The following SERPINE2 variants were observed in gnomAD, a reference collection of about 807,000 sequenced individuals.
SERPINE2 encodes glia-derived nexin.
In SERPINE2, 14 loss-of-function variants were observed where a neutral mutation model predicts 36.3. That is an observed-to-expected ratio of 0.39 (90% CI 0.25 to 0.60). The LOEUF is 0.60. Ranked by LOEUF, SERPINE2 falls within the 20% of genes least tolerant of loss-of-function variation. SERPINE2 has a pLI of 0.57. For missense variants in SERPINE2, 418 were observed against 499.6 expected, an observed-to-expected ratio of 0.84 and a Z score of 1.56; for synonymous variants, 192 against 191.8, an observed-to-expected ratio of 1.00 and a Z score of -0.01.
intron 3 of SERPINE2, among the ~76,000 whole-genome samples, chr2:223,993,528 A>ATGTGTGTGTGTGTGTG (rs1344521820): frequency 1.5e-3 from 108 of 72,522 alleles, no homozygotes; most frequent in African/African-American, 4.7e-3. Context: ...TAGCTCAAAT[A>ATGTGTGTGTGTGTGTG]TATGTGTGTG....
chr2:223,990,690 C>T (rs1261460790), intron 4 of SERPINE2, among the ~76,000 whole-genome samples: 3 of 152,148 alleles, frequency 2.0e-5, no homozygotes. Flanking sequence ...TTTAGAAGTT[C>T]ATTTGAGCCT....
intron 1 of SERPINE2, among the ~76,000 whole-genome samples, chr2:224,025,806 T>C (rs1225311489): frequency 3.3e-5 from 5 of 152,206 alleles, no homozygotes; most frequent in Non-Finnish European, 7.3e-5. Context: ...ACCAAGAAAG[T>C]TGCCCTCAGA....
chr2:224,010,073 C>T lies in SERPINE2; in HGVS notation c.-22-8151G>A, dbSNP rs888571498. 3.3e-5 allele frequency among the ~76,000 whole-genome samples: 5 copies of T among 152,106 alleles called. No individual in the cohort carries two copies. The South Asian group carries it at 6.2e-4, about 19-fold the overall frequency. ...ATACCAAATCAGGTGAACAAGCAAA[C>T]TAAAGTACATCTTGGTTATCCTTGG... On this transcript the variant is annotated intron_variant, in intron 1 of 8. Coordinates refer to ENST00000409304, the MANE Select transcript of SERPINE2 (RefSeq NM_001136528.2).
At chr2:224,028,023 G>C (rs1005899886) in intron 1 of SERPINE2, among the ~76,000 whole-genome samples, 1 of 152,190 alleles carries the variant, frequency 6.6e-6, no homozygotes, top group African/African-American at 2.4e-5. Context: ...TAGAGAAAAA[G>C]AGCATGAATC....
intron 7 of SERPINE2, 32 bp from the exon 8 acceptor site, chr2:223,977,659 C>T: frequency 1.4e-6 from 2 of 1,462,916 alleles, no homozygotes; most frequent in East Asian, 2.3e-5. Context: ...GTGTTGTGCA[C>T]ATTACATGAG....
chr2:224,002,968 G>T (rs1279467711), intron 1 of SERPINE2, among the ~76,000 whole-genome samples: 1 of 152,120 alleles, frequency 6.6e-6, no homozygotes, highest in African/African-American at 2.4e-5. Flanking sequence ...AAGCCAGCAA[G>T]CAATAAAGCA....
intron 1 of SERPINE2, among the ~76,000 whole-genome samples, chr2:224,013,472 G>A (rs1035998723): frequency 1.3e-5 from 2 of 152,176 alleles, no homozygotes; most frequent in African/African-American, 2.4e-5. Flanking sequence ...CCCTTTTCAC[G>A]AGGAAGAGGA....
intron 1 of SERPINE2, among the ~76,000 whole-genome samples, chr2:224,019,172 C>T (rs1691903256): frequency 6.6e-6 from 1 of 152,086 alleles, no homozygotes; most frequent in African/African-American, 2.4e-5. Context: ...TGTTTTTTTC[C>T]TGTTCATAAG....
intron 5 of SERPINE2, among the ~76,000 whole-genome samples, 170 bp from the exon 6 acceptor site, chr2:223,982,951 ACTC>A (rs1245542854): frequency 6.6e-6 from 1 of 152,224 alleles, no homozygotes; most frequent in Non-Finnish European, 1.5e-5. Context: ...GTAAAGGACA[ACTC>A]CTCTCTCAAA....
rs368067162 is a variant in SERPINE2, at chr2:224,020,535, TAA to T, written c.-23+18562_-23+18563del. The stretch of plus-strand genomic sequence containing the variant: ...TCCGTTTGCCCCTCTTCAACTAATA[TAA>T]TATGCTGCTGAGCTTGGAACACCTC... On this transcript the variant is annotated intron_variant, in intron 1 of 8. Coordinates refer to ENST00000409304, the MANE Select transcript of SERPINE2 (RefSeq NM_001136528.2). Among the ~76,000 whole-genome samples, 13 of 152,318 alleles carry T rather than the reference TAA, an allele frequency of 8.5e-5. No homozygotes were observed. In the South Asian group the frequency reaches 2.7e-3, roughly 32 times the overall value.
In SERPINE2 at chr2:224,005,456, C is replaced by T. The variant is rs146667429; in HGVS notation, c.-22-3534G>A. On this transcript the variant is annotated intron_variant, in intron 1 of 8. Transcript: ENST00000409304. ...TGGTTTCCTAGGCCAAATGCTCACT[C>T]GTCTAAACTCACCTGGCTTATATAC... 1.1e-3 allele frequency among the ~76,000 whole-genome samples: 165 copies of T among 152,208 alleles called. 1 individual carries two copies. Among genetic ancestry groups the T allele is most frequent in the African/African-American group, 3.7e-3 (153 of 41,524 alleles).
At chr2:224,023,891 T>C (rs1244468359) in intron 1 of SERPINE2, among the ~76,000 whole-genome samples, 3 of 152,132 alleles carry the variant, frequency 2.0e-5, no homozygotes, top group Non-Finnish European at 2.9e-5. Context: ...CCCAGGCCTG[T>C]TGTAAGAAAC....
intron 1 of SERPINE2, among the ~76,000 whole-genome samples, chr2:224,027,997 T>C (rs1408272189): frequency 6.6e-6 from 1 of 152,128 alleles, no homozygotes; most frequent in Non-Finnish European, 1.5e-5. Flanking sequence ...CAGGAGTGAA[T>C]ACAGAGACGA....
chr2:223,999,447 C>A (rs1386478099), intron 2 of SERPINE2, among the ~76,000 whole-genome samples: 1 of 152,182 alleles, frequency 6.6e-6, no homozygotes, highest in Non-Finnish European at 1.5e-5. Context: ...ATTTGTCACT[C>A]TGAATGTGCG....
intron 3 of SERPINE2, among the ~76,000 whole-genome samples, chr2:223,995,329 G>A (rs916232491): frequency 4.1e-4 from 62 of 152,208 alleles, no homozygotes; most frequent in African/African-American, 1.4e-3. Context: ...TCACTTCTGA[G>A]CTCTACCATG....
chr2:224,029,885 A>G (rs779654962), intron 1 of SERPINE2, among the ~76,000 whole-genome samples: 1 of 152,066 alleles, frequency 6.6e-6, no homozygotes, highest in African/African-American at 2.4e-5. Context: ...TTTTTAGTAG[A>G]GACAGGGTTT....
intron 1 of SERPINE2, among the ~76,000 whole-genome samples, chr2:224,003,813 T>C (rs996735779): frequency 2.0e-5 from 3 of 152,126 alleles, no homozygotes; most frequent in African/African-American, 7.2e-5. Flanking sequence ...GTGGAGCCAA[T>C]GTGTCCCACT....
At chr2:223,988,829 T>C (rs1264998114) in intron 4 of SERPINE2, among the ~76,000 whole-genome samples, 2 of 152,236 alleles carry the variant, frequency 1.3e-5, no homozygotes, top group Non-Finnish European at 2.9e-5. Context: ...ACATTTGTAT[T>C]ATGGAATATT....
chr2:224,031,753 C>T (rs1454584783), intron 1 of SERPINE2, among the ~76,000 whole-genome samples: 1 of 109,182 alleles, frequency 9.2e-6, no homozygotes, highest in African/African-American at 4.3e-5. Context: ...AGGATTTCCA[C>T]CCCCCACCCC....
Sources: gnomAD v4.1 joint callset for allele counts (sites outside exome capture counted in the v4.1 genomes callset) on GRCh38, gnomAD v4.1.1 for gene constraint, MANE v1.5 for transcripts, NCBI Gene and HGNC (gene_info 2026-07-23, HGNC 2026-07-21) for gene names.